GPR149: variants seen among roughly 807,000 people sequenced by gnomAD.
GPR149 encodes the protein G protein-coupled receptor 149, also known as probable G protein-coupled receptor 149.
GPR149 carries 50 observed loss-of-function variants against 50.2 expected under a neutral mutation model. That is an observed-to-expected ratio of 1.00 (90% CI 0.79 to 1.26). The LOEUF (loss-of-function observed/expected upper bound fraction) is 1.26. GPR149 is among the 50% of genes most tolerant of loss of function. The pLI is 0.00. For missense variants in GPR149, 983 were observed against 895.4 expected (o/e 1.10, Z -1.25); for synonymous variants, 405 against 358.2 (o/e 1.13, Z -1.48).
intron 3 of GPR149, among the ~76,000 whole-genome samples, chr3:154,412,568 C>CA (rs532680525): frequency 6.6e-6 from 1 of 152,022 alleles, no homozygotes; most frequent in Non-Finnish European, 1.5e-5. Flanking sequence ...AACTCAACCC[C>CA]TTTCACAACA....
chr3:154,337,717 T>G lies in GPR149; in HGVS notation c.2178A>C (p.Glu726Asp), dbSNP rs757852909. 9.4e-5 allele frequency: 151 copies of G among 1,601,352 alleles called. No homozygotes were observed. Among genetic ancestry groups the G allele is most frequent in the Non-Finnish European group, 1.2e-4 (143 of 1,173,942 alleles). The change falls in exon 4 of 4, where the codon GAA becomes GAC. Residue 726 changes from glutamate to aspartate, a missense_variant. By Grantham distance (45) the Glu-to-Asp change is conservative. Coordinates refer to ENST00000389740, the MANE Select transcript of GPR149 (RefSeq NM_001038705.3). The part of the protein sequence containing the change: ...LLNKAYRKRE[E>D]ESKGS ...ATACCCACTAACTACCCTTGCTTTC[T>G]TCCTCTCTTTTTCTGTAAGCTTTAT... is the stretch of plus-strand genomic sequence containing the variant.
chr3:154,411,551 T>C (rs557758675), intron 3 of GPR149, among the ~76,000 whole-genome samples: 166 of 152,212 alleles, frequency 1.1e-3, no homozygotes, highest in African/African-American at 3.9e-3. Context: ...CAGAAGATTA[T>C]TCAAGGCTAC....
rs182611911 is a variant in GPR149 at position 154,358,456 on chromosome 3, A to T, written c.1624-20185T>A. Reference sequence around the variant, plus strand: ...CTAAGTATAAAAGCTCTTCTAAAAAAAATTAAAATCACCAAACCTTTAAAA... The same window carrying T: ...CTAAGTATAAAAGCTCTTCTAAAAATAATTAAAATCACCAAACCTTTAAAA... On this transcript the variant is annotated intron_variant, in intron 3 of 3. Coordinates refer to ENST00000389740, the MANE Select transcript of GPR149 (RefSeq NM_001038705.3). Among the ~76,000 whole-genome samples the T allele has an allele frequency of 8.9e-3, 1,358 of 152,282 alleles. 23 individuals carry two copies. The highest frequency in any genetic ancestry group is 0.031 in the African/African-American group (1,301 of 41,556).
intron 3 of GPR149, among the ~76,000 whole-genome samples, chr3:154,343,474 G>T (rs562510939): frequency 6.6e-6 from 1 of 152,188 alleles, no homozygotes; most frequent in Non-Finnish European, 1.5e-5. Flanking sequence ...TACTGAGTGT[G>T]TGTTGCTGAT....
chr3:154,388,876 A>ACACG (rs1365851175), intron 3 of GPR149, among the ~76,000 whole-genome samples: 7 of 150,850 alleles, frequency 4.6e-5, no homozygotes, highest in African/African-American at 1.7e-4. Context: ...TGAAAAACAC[A>ACACG]CACACACACA....
intron 3 of GPR149, among the ~76,000 whole-genome samples, chr3:154,369,324 A>C (rs1031962730): frequency 3.3e-5 from 5 of 152,218 alleles, no homozygotes; most frequent in Non-Finnish European, 7.3e-5. Flanking sequence ...GGAAAGTATT[A>C]ATTATAACAC....
At chr3:154,341,708 T>G (rs1713803029) in intron 3 of GPR149, among the ~76,000 whole-genome samples, 1 of 152,144 alleles carries the variant, frequency 6.6e-6, no homozygotes. Context: ...CACTGAAATT[T>G]TATTTTGAAA....
intron 3 of GPR149, among the ~76,000 whole-genome samples, chr3:154,403,917 T>C (rs1711609134): frequency 6.6e-6 from 1 of 152,206 alleles, no homozygotes; most frequent in African/African-American, 2.4e-5. Context: ...GGTTACTGAG[T>C]ACTTGAGCTG....
At chr3:154,380,328 A>T (rs1398571198) in intron 3 of GPR149, among the ~76,000 whole-genome samples, 1 of 152,058 alleles carries the variant, frequency 6.6e-6, no homozygotes, top group Non-Finnish European at 1.5e-5. Flanking sequence ...CACAGCAGAA[A>T]CCCTCAAAAT....
intron 3 of GPR149, among the ~76,000 whole-genome samples, chr3:154,368,711 C>T (rs1381332767): frequency 6.6e-6 from 1 of 152,218 alleles, no homozygotes; most frequent in Non-Finnish European, 1.5e-5. Context: ...CAAGTGGGGA[C>T]AGAAGGCTAG....
intron 3 of GPR149, among the ~76,000 whole-genome samples, chr3:154,378,265 C>T (rs1013331701): frequency 1.1e-4 from 16 of 151,418 alleles, no homozygotes; most frequent in African/African-American, 2.4e-4. Flanking sequence ...ATTATTATTT[C>T]GCATTTTTAG....
intron 3 of GPR149, among the ~76,000 whole-genome samples, chr3:154,386,684 G>A (rs1369192553): frequency 6.6e-6 from 1 of 152,150 alleles, no homozygotes; most frequent in East Asian, 1.9e-4. Context: ...CTATGGACAA[G>A]CTACTCCTGT....
intron 3 of GPR149, among the ~76,000 whole-genome samples, chr3:154,415,799 T>A (rs1711968921): frequency 6.6e-6 from 1 of 151,924 alleles, no homozygotes; most frequent in Non-Finnish European, 1.5e-5. Flanking sequence ...ATAAAAACAA[T>A]AAAGTTTGTA....
chr3:154,349,237 A>G (rs1714008002), intron 3 of GPR149, among the ~76,000 whole-genome samples: 1 of 152,194 alleles, frequency 6.6e-6, no homozygotes, highest in Non-Finnish European at 1.5e-5. Flanking sequence ...GAAAGCAAAT[A>G]TAAAGGAGGA....
chr3:154,337,563 C>T lies in GPR149; in HGVS notation c.*136G>A. 1.5e-6 allele frequency: 1 copy of T among 671,030 alleles called. No individual in the cohort carries two copies. Among genetic ancestry groups the T allele is most frequent in the Non-Finnish European group, 2.4e-6 (1 of 414,850 alleles). The allele number at this position is 671,030 out of a possible 1,614,324, so 41.6% of individuals were successfully genotyped here. A position where few individuals can be genotyped will look rare whatever the true frequency, so the allele number is the denominator to read the frequency against. On this transcript the variant is annotated 3_prime_UTR_variant, in exon 4 of 4. Transcript: ENST00000389740. ...TGTTTACACTAGTTCCAGTTGTTCC[C>T]ACAAAAAAATTAACTATTAAATCAG...
chr3:154,396,197 T>C (rs1715290697), intron 3 of GPR149, among the ~76,000 whole-genome samples: 1 of 152,158 alleles, frequency 6.6e-6, no homozygotes. Context: ...CAATTCTCAT[T>C]TTACAAGACA....
At chr3:154,352,014 G>T in intron 3 of GPR149, 1 of 312,022 alleles carries the variant, frequency 3.2e-6, no homozygotes, top group Non-Finnish European at 5.8e-6. Flanking sequence ...AAAAAAATAC[G>T]ACCAACTTCT....
At chr3:154,350,279 A>G (rs1267699842) in intron 3 of GPR149, among the ~76,000 whole-genome samples, 1 of 152,172 alleles carries the variant, frequency 6.6e-6, no homozygotes, top group Non-Finnish European at 1.5e-5. Context: ...TGCAGATGAC[A>G]TGATTGATTT....
rs201354563 is a variant in GPR149 at position 154,395,436 on chromosome 3, T to TTA, written c.1623+25601_1623+25602dup. Among the ~76,000 whole-genome samples, 846 of 112,076 alleles carry TTA rather than the reference T, an allele frequency of 7.5e-3. 8 individuals are homozygous for TTA. The highest frequency in any genetic ancestry group is 0.024 in the African/African-American group (792 of 32,658). The allele number at this position is 112,076 out of a possible 152,430, so 73.5% of individuals were successfully genotyped here. On this transcript the variant is annotated intron_variant, in intron 3 of 3. Coordinates refer to ENST00000389740, the MANE Select transcript of GPR149 (RefSeq NM_001038705.3). ...TTCTAAAAACACAATATATGTAAAA[T>TTA]TATATATATATAAGTATATATATAT...
Sources: gnomAD v4.1 joint callset for allele counts (sites outside exome capture counted in the v4.1 genomes callset) on GRCh38, gnomAD v4.1.1 for gene constraint, MANE v1.5 for transcripts, NCBI Gene and HGNC (gene_info 2026-07-23, HGNC 2026-07-21) for gene names.